Variants in GRIN2B observed in about 807,000 individuals in gnomAD.
GRIN2B encodes the protein glutamate ionotropic receptor NMDA type subunit 2B.
Under a neutral mutation model 114.5 loss-of-function variants are expected in GRIN2B, and 5 were observed. The observed-to-expected ratio is 0.04, with a 90% CI of 0.02 to 0.09. GRIN2B has a LOEUF of 0.09. Ranked by LOEUF, GRIN2B falls within the 10% of genes least tolerant of loss-of-function variation. GRIN2B has a pLI of 1.00. For missense variants in GRIN2B, 1,108 were observed against 1,943.5 expected (o/e 0.57, Z 8.08); for synonymous variants, 787 against 745.1 (o/e 1.06, Z -0.92).
intron 3 of GRIN2B, among the ~76,000 whole-genome samples, chr12:13,771,370 A>C (rs1863905432): frequency 6.6e-6 from 1 of 152,208 alleles, no homozygotes. Context: ...TAAAAAACTA[A>C]AATTTAGACT....
At chr12:13,643,068 T>G (rs1459113446) in intron 5 of GRIN2B, among the ~76,000 whole-genome samples, 1 of 152,222 alleles carries the variant, frequency 6.6e-6, no homozygotes, top group Non-Finnish European at 1.5e-5. Context: ...ACCATCAACT[T>G]AGTCTGTGAA....
intron 2 of GRIN2B, among the ~76,000 whole-genome samples, chr12:13,909,194 G>A (rs1048540463): frequency 1.3e-5 from 2 of 152,186 alleles, no homozygotes; most frequent in Admixed American, 6.5e-5. Flanking sequence ...ATGTTACAGA[G>A]GGCTTCATTT....
At chr12:13,951,054 G>T (rs1034810729) in intron 2 of GRIN2B, among the ~76,000 whole-genome samples, 1 of 152,164 alleles carries the variant, frequency 6.6e-6, no homozygotes, top group Non-Finnish European at 1.5e-5. Flanking sequence ...AAGGCCAAGA[G>T]AGAGTAGTGA....
At chr12:13,708,155 T>A (rs1023349959) in intron 4 of GRIN2B, among the ~76,000 whole-genome samples, 1 of 152,090 alleles carries the variant, frequency 6.6e-6, no homozygotes, top group South Asian at 2.1e-4. Context: ...ATTTACCACT[T>A]CCCAATAGAA....
chr12:13,893,594 C>G (rs1866303975), intron 2 of GRIN2B, among the ~76,000 whole-genome samples: 1 of 152,070 alleles, frequency 6.6e-6, no homozygotes, highest in South Asian at 2.1e-4. Context: ...CCACAGTGAC[C>G]TGGAAATCTG....
intron 3 of GRIN2B, among the ~76,000 whole-genome samples, chr12:13,859,339 G>A (rs896591973): frequency 8.5e-5 from 13 of 152,170 alleles, no homozygotes; most frequent in African/African-American, 2.4e-4. Context: ...TTCTATGAAT[G>A]TCGAAGCAAT....
chr12:13,637,627 A>G (rs1214788066), intron 5 of GRIN2B, among the ~76,000 whole-genome samples: 4 of 152,178 alleles, frequency 2.6e-5, no homozygotes, highest in African/African-American at 9.6e-5. Context: ...GATAACGATA[A>G]TCACGACACA....
chr12:13,793,606 T>C (rs111274532), intron 3 of GRIN2B, among the ~76,000 whole-genome samples: 21 of 152,178 alleles, frequency 1.4e-4, no homozygotes, highest in South Asian at 2.1e-4. Context: ...TGGCCTATGA[T>C]TCCTAATTCG....
In GRIN2B at chr12:13,562,535, A is replaced by T. The variant is rs1174785437; in HGVS notation, c.*248T>A. 8 of 529,080 alleles carry T rather than the reference A, an allele frequency of 1.5e-5. No individual in the cohort carries two copies. The highest frequency in any genetic ancestry group is 2.4e-5 in the Non-Finnish European group (7 of 294,712). The allele number at this position is 529,080 out of a possible 1,614,324, so 32.8% of individuals were successfully genotyped here. A position where few individuals can be genotyped will look rare whatever the true frequency, so the allele number is the denominator to read the frequency against. On this transcript the variant is annotated 3_prime_UTR_variant, in exon 14 of 14. Transcript: ENST00000609686. ...CCCTGCTGAGAGGGCCCATGGCATC[A>T]TCTCATGGGAACAGGAATGGCTGAC...
At chr12:13,628,738 G>A (rs918532207) in intron 5 of GRIN2B, among the ~76,000 whole-genome samples, 3 of 152,136 alleles carry the variant, frequency 2.0e-5, no homozygotes, top group African/African-American at 7.2e-5. Context: ...GTAATGAGAA[G>A]CATTCTGGAA....
chr12:13,586,172 G>A (rs903325347), intron 10 of GRIN2B, among the ~76,000 whole-genome samples: 1 of 152,130 alleles, frequency 6.6e-6, no homozygotes, highest in African/African-American at 2.4e-5. Context: ...CATATTCAGT[G>A]AGCATCTGCT....
intron 4 of GRIN2B, among the ~76,000 whole-genome samples, chr12:13,691,358 C>T (rs1201213397): frequency 6.9e-6 from 1 of 145,492 alleles, no homozygotes; most frequent in African/African-American, 2.8e-5. Context: ...TAGATAACAC[C>T]AGGACATGAT....
rs150477743 is a variant in GRIN2B at position 13,691,857 on chromosome 12, G to A, written c.1011-15998C>T. 2.8e-4 allele frequency among the ~76,000 whole-genome samples: 43 copies of A among 152,258 alleles called. No homozygotes were observed. In the East Asian group the frequency reaches 7.7e-3, roughly 27 times the overall value. On this transcript the variant is annotated intron_variant, in intron 4 of 13. Transcript: ENST00000609686. ...AAGATCCAAGCAAGTAGGTGTTGGT[G>A]GAAAGAGAAGACAAGCACTCAGCAA...
chr12:13,541,689 G>A lies in GRIN2B; in HGVS notation c.*21094C>T, dbSNP rs1948281996. On this transcript the variant is annotated 3_prime_UTR_variant, in exon 14 of 14. Transcript: ENST00000609686. Reference sequence around the variant, plus strand: ...TGGCAGGATATGACCATGCTGAAGGGTTTGCCTTTATTAGTGGACAGAGAG... The same window carrying A: ...TGGCAGGATATGACCATGCTGAAGGATTTGCCTTTATTAGTGGACAGAGAG... 1 of 152,210 alleles carries A rather than the reference G, an allele frequency of 6.6e-6. No individual in the cohort carries two copies. The highest frequency in any genetic ancestry group is 1.5e-5 in the Non-Finnish European group (1 of 68,052). 9.4% of individuals were successfully genotyped at this position (152,210 alleles called of 1,614,324 possible).
chr12:13,734,941 T>C (rs1339189519), intron 4 of GRIN2B, among the ~76,000 whole-genome samples: 1 of 152,104 alleles, frequency 6.6e-6, no homozygotes, highest in African/African-American at 2.4e-5. Context: ...TGGCCAGTAA[T>C]GTTATTTGAT....
Position 13,753,236 on chromosome 12 carries a change from G to A in GRIN2B, c.1010+81C>T. 2 of 870,760 alleles carry A rather than the reference G, an allele frequency of 2.3e-6. No individual in the cohort carries two copies. The highest frequency in any genetic ancestry group is 4.0e-6 in the Non-Finnish European group (2 of 504,064). 53.9% of individuals were successfully genotyped at this position (870,760 alleles called of 1,614,324 possible). A position where few individuals can be genotyped will look rare whatever the true frequency, so the allele number is the denominator to read the frequency against. On this transcript the variant is annotated intron_variant, in intron 4 of 13. Transcript: ENST00000609686. This position sits in a 1 kb window ranked among gnomAD's most constrained non-coding sequence, Gnocchi z 6.2. Reference sequence around the variant, plus strand: ...GCTACCGTCTTGAACTGTTCTTCCTGCAGTTTCTGAACTTCCAACCCCAGT... The same window carrying A: ...GCTACCGTCTTGAACTGTTCTTCCTACAGTTTCTGAACTTCCAACCCCAGT...
chr12:13,762,795 G>A (rs984569628), intron 3 of GRIN2B, among the ~76,000 whole-genome samples: 13 of 152,158 alleles, frequency 8.5e-5, no homozygotes, highest in African/African-American at 3.1e-4. Flanking sequence ...TTAAAATGTG[G>A]ATCAGTCATG....
At chr12:13,741,053 T>C (rs1863275211) in intron 4 of GRIN2B, among the ~76,000 whole-genome samples, 1 of 152,176 alleles carries the variant, frequency 6.6e-6, no homozygotes, top group South Asian at 2.1e-4. Flanking sequence ...TTTTATTTTA[T>C]TTTATTGCGA....
chr12:13,545,620 G>A lies in GRIN2B; in HGVS notation c.*17163C>T, dbSNP rs1048642460. ...GTTTCTAAATTTTAACCAATGGCAA[G>A]TGCAGAGCTCACTTTTCATGATTTT... On this transcript the variant is annotated 3_prime_UTR_variant, in exon 14 of 14. Transcript: ENST00000609686. 2.6e-5 allele frequency: 4 copies of A among 152,188 alleles called. No homozygotes were observed. Among genetic ancestry groups the A allele is most frequent in the African/African-American group, 9.7e-5 (4 of 41,450 alleles). The allele number at this position is 152,188 out of a possible 1,614,324, so 9.4% of individuals were successfully genotyped here.
Sources: allele counts gnomAD v4.1 joint callset (sites outside exome capture counted in the v4.1 genomes callset), GRCh38; gene constraint gnomAD v4.1.1; non-coding constraint Gnocchi (gnomAD v3.1); transcripts MANE v1.5; gene names NCBI Gene and HGNC (gene_info 2026-07-23, HGNC 2026-07-21).